The following NR6A1 variants were observed in gnomAD, a reference collection of about 807,000 sequenced individuals.
NR6A1 encodes nuclear receptor subfamily 6 group A member 1.
Under a neutral mutation model 59.1 loss-of-function variants are expected in NR6A1, and 7 were observed. The observed-to-expected ratio is 0.12, with a 90% CI of 0.07 to 0.22. NR6A1 has a LOEUF of 0.22. NR6A1 is among the 10% of genes least tolerant of loss of function. NR6A1 has a pLI of 1.00. For missense variants in NR6A1, 468 were observed against 611.6 expected (o/e 0.77, Z 2.48); for synonymous variants, 243 against 236.1 (o/e 1.03, Z -0.27).
chr9:124,633,688 G>C (rs577178592), intron 2 of NR6A1, among the ~76,000 whole-genome samples: 2 of 152,262 alleles, frequency 1.3e-5, no homozygotes, highest in African/African-American at 4.8e-5. Context: ...CAAGGTCACT[G>C]CTCCATCGGG....
chr9:124,706,263 A>G (rs979381343), intron 2 of NR6A1, among the ~76,000 whole-genome samples: 1 of 152,210 alleles, frequency 6.6e-6, no homozygotes, highest in Non-Finnish European at 1.5e-5. Context: ...ATAAAATGGT[A>G]TAATCCTTGC....
intron 2 of NR6A1, among the ~76,000 whole-genome samples, chr9:124,659,306 T>G (rs1837356677): frequency 6.6e-6 from 1 of 152,100 alleles, no homozygotes. Context: ...GGTAGGGACA[T>G]GGATGTGTGA....
In NR6A1 at chr9:124,669,058, G is replaced by A. The variant is rs991378880; in HGVS notation, c.142+64250C>T. 1.6e-4 allele frequency among the ~76,000 whole-genome samples: 24 copies of A among 152,036 alleles called. 1 individual carries two copies. Among genetic ancestry groups the A allele is most frequent in the Non-Finnish European group, 8.8e-5 (6 of 68,010 alleles). On this transcript the variant is annotated intron_variant, in intron 2 of 9. Transcript: ENST00000487099. The stretch of plus-strand genomic sequence containing the variant: ...AGCAATATTGAAAACCCTCTAACAG[G>A]ACACAGTATAATATTAGGTTCTAGA...
At position 124,726,752 on chromosome 9, in the gene NR6A1, A is replaced by T. The variant is rs541493429; in HGVS notation, c.142+6556T>A. Among the ~76,000 whole-genome samples, 6 of 152,336 alleles carry T rather than the reference A, an allele frequency of 3.9e-5. No individual in the cohort carries two copies. In the East Asian group the frequency reaches 1.2e-3, roughly 29 times the overall value. On this transcript the variant is annotated intron_variant, in intron 2 of 9. Transcript: ENST00000487099. ...CATGAGCCAGTCATCCATACACTAAAGCCTAGTTGAGAAAAACCTTTGATT... is the reference window on the plus strand; with the variant it reads ...CATGAGCCAGTCATCCATACACTAATGCCTAGTTGAGAAAAACCTTTGATT...
At chr9:124,537,751 C>T (rs775601331) in intron 6 of NR6A1, among the ~76,000 whole-genome samples, 1 of 152,014 alleles carries the variant, frequency 6.6e-6, no homozygotes, top group African/African-American at 2.4e-5. Context: ...AGCCTATATC[C>T]GATATATAAC....
chr9:124,684,078 C>G (rs139405845), intron 2 of NR6A1, among the ~76,000 whole-genome samples: 1 of 152,086 alleles, frequency 6.6e-6, no homozygotes, highest in Non-Finnish European at 1.5e-5. Context: ...CCTCGAGTAT[C>G]GCCATACAAA....
At position 124,733,034 on chromosome 9, in the gene NR6A1, G is replaced by A. The variant is rs564091660; in HGVS notation, c.142+274C>T. Among the ~76,000 whole-genome samples, 35 of 152,262 alleles carry A rather than the reference G, an allele frequency of 2.3e-4. 1 individual carries two copies. Among genetic ancestry groups the A allele is most frequent in the Admixed American group, 1.7e-3 (26 of 15,288 alleles). On this transcript the variant is annotated intron_variant, in intron 2 of 9. Coordinates refer to ENST00000487099, the MANE Select transcript of NR6A1 (RefSeq NM_033334.4). ...TTTTATTTTTGTTGGTTTCATGGAA[G>A]GATGGAGAACAAAGCAAGGAGACTG...
chr9:124,640,091 G>A (rs1836728317), intron 2 of NR6A1, among the ~76,000 whole-genome samples: 1 of 152,158 alleles, frequency 6.6e-6, no homozygotes, highest in Non-Finnish European at 1.5e-5. Flanking sequence ...AAGCGCTGAA[G>A]AACATCCATG....
At chr9:124,674,961 C>G (rs1224660187) in intron 2 of NR6A1, among the ~76,000 whole-genome samples, 2 of 152,192 alleles carry the variant, frequency 1.3e-5, no homozygotes, top group Non-Finnish European at 1.5e-5. Flanking sequence ...ATAACCAACA[C>G]AGCTAACCTT....
intron 1 of NR6A1, among the ~76,000 whole-genome samples, chr9:124,752,308 G>A (rs1381082931): frequency 1.3e-5 from 2 of 151,576 alleles, no homozygotes; most frequent in South Asian, 2.2e-4. Flanking sequence ...ATGACAATAG[G>A]TTTTTTTCTT....
intron 2 of NR6A1, among the ~76,000 whole-genome samples, chr9:124,629,366 T>C (rs1025779925): frequency 6.6e-6 from 1 of 152,222 alleles, no homozygotes; most frequent in African/African-American, 2.4e-5. Flanking sequence ...AATATAATTA[T>C]GACACTTGTA....
chr9:124,553,748 C>T (rs1833851685), intron 3 of NR6A1, among the ~76,000 whole-genome samples: 1 of 151,974 alleles, frequency 6.6e-6, no homozygotes, highest in Middle Eastern at 3.4e-3. Flanking sequence ...CTTCTAGACT[C>T]TACTAAAAAC....
At chr9:124,527,498 G>A (rs993276125) in intron 7 of NR6A1, among the ~76,000 whole-genome samples, 18 of 152,308 alleles carry the variant, frequency 1.2e-4, no homozygotes, top group Admixed American at 1.1e-3. Flanking sequence ...TCCATACCAC[G>A]CCATCCTCTG....
chr9:124,712,909 A>T (rs1839318206), intron 2 of NR6A1, among the ~76,000 whole-genome samples: 1 of 152,190 alleles, frequency 6.6e-6, no homozygotes, highest in Non-Finnish European at 1.5e-5. Context: ...ATCTGAAAAC[A>T]ACACCACTCA....
At chr9:124,650,126 A>G (rs759383271) in intron 2 of NR6A1, among the ~76,000 whole-genome samples, 1 of 152,208 alleles carries the variant, frequency 6.6e-6, no homozygotes, top group African/African-American at 2.4e-5. Flanking sequence ...TATCAAAGAG[A>G]TATCTGCACT....
At chr9:124,734,667 T>A (rs950005640) in intron 1 of NR6A1, among the ~76,000 whole-genome samples, 1 of 151,670 alleles carries the variant, frequency 6.6e-6, no homozygotes, top group Non-Finnish European at 1.5e-5. Context: ...CACTCCAGCC[T>A]GGGCAACAGA....
intron 2 of NR6A1, among the ~76,000 whole-genome samples, chr9:124,596,598 CA>C (rs1349996202): frequency 6.6e-6 from 1 of 152,168 alleles, no homozygotes; most frequent in East Asian, 1.9e-4. Flanking sequence ...TACCCTCAGC[CA>C]AAAGTTTACA....
chr9:124,731,656 G>C (rs1408522729), intron 2 of NR6A1, among the ~76,000 whole-genome samples: 1 of 152,104 alleles, frequency 6.6e-6, no homozygotes, highest in South Asian at 2.1e-4. Flanking sequence ...AAGGTGGTGA[G>C]GATGAAGACC....
chr9:124,619,605 T>G (rs938866588), intron 2 of NR6A1, among the ~76,000 whole-genome samples: 1 of 152,116 alleles, frequency 6.6e-6, no homozygotes, highest in African/African-American at 2.4e-5. Context: ...GTTTGGAAAG[T>G]CTAGAACCAG....
Sources: allele counts gnomAD v4.1 joint callset (sites outside exome capture counted in the v4.1 genomes callset), GRCh38; gene constraint gnomAD v4.1.1; transcripts MANE v1.5; gene names NCBI Gene and HGNC (gene_info 2026-07-23, HGNC 2026-07-21).